CHSY3: variants seen among roughly 807,000 people sequenced by gnomAD.
CHSY3 encodes the protein chondroitin sulfate synthase 3.
Under a neutral mutation model 67.2 loss-of-function variants are expected in CHSY3, and 35 were observed. The observed-to-expected ratio is 0.52, with a 90% CI of 0.40 to 0.69. The LOEUF is 0.69. CHSY3 is among the 30% of genes least tolerant of loss of function. The pLI is 0.00. For missense variants in CHSY3, 1,069 were observed against 1,138.5 expected (o/e 0.94, Z 0.88); for synonymous variants, 474 against 434.7 (o/e 1.09, Z -1.12).
intron 2 of CHSY3, among the ~76,000 whole-genome samples, chr5:130,024,335 T>C (rs1245900963): frequency 2.0e-5 from 3 of 152,114 alleles, no homozygotes; most frequent in Non-Finnish European, 4.4e-5. Context: ...AAAATGACAG[T>C]TGTTCATCCA....
intron 2 of CHSY3, among the ~76,000 whole-genome samples, chr5:130,094,440 G>C (rs1347338559): frequency 6.6e-6 from 1 of 152,072 alleles, no homozygotes; most frequent in Admixed American, 6.5e-5. Flanking sequence ...TTTTACTATA[G>C]CATAGTTAAA....
At chr5:129,922,250 G>A (rs1760948785) in intron 2 of CHSY3, among the ~76,000 whole-genome samples, 1 of 152,178 alleles carries the variant, frequency 6.6e-6, no homozygotes, top group Non-Finnish European at 1.5e-5. Context: ...GGATACTTAG[G>A]TTGATCCCAT....
intron 2 of CHSY3, among the ~76,000 whole-genome samples, chr5:130,022,634 G>A (rs1261591445): frequency 6.6e-6 from 1 of 151,868 alleles, no homozygotes; most frequent in Non-Finnish European, 1.5e-5. Flanking sequence ...ACCAGGGAGT[G>A]AAATGATAAA....
intron 2 of CHSY3, among the ~76,000 whole-genome samples, chr5:130,011,322 T>C (rs1764053821): frequency 6.6e-6 from 1 of 152,122 alleles, no homozygotes; most frequent in African/African-American, 2.4e-5. Context: ...GTTGAACATA[T>C]GCAAATCAAT....
rs535610104 is a variant in CHSY3, at chr5:130,052,003, T to C, written c.1087-132226T>C. ...CTGGAATGTACTAAAATGATTAGGG[T>C]ACAGCAAACCAAGAACTAAACTTTG... On this transcript the variant is annotated intron_variant, in intron 2 of 2. Coordinates refer to ENST00000305031, the MANE Select transcript of CHSY3 (RefSeq NM_175856.5). 3.3e-5 allele frequency: 5 copies of C among 151,858 alleles called. No individual in the cohort carries two copies. In the East Asian group the frequency reaches 7.8e-4, roughly 24 times the overall value. 9.4% of individuals were successfully genotyped at this position (151,858 alleles called of 1,614,324 possible).
At chr5:130,165,013 T>C (rs1382497609) in intron 2 of CHSY3, among the ~76,000 whole-genome samples, 3 of 151,952 alleles carry the variant, frequency 2.0e-5, no homozygotes, top group Non-Finnish European at 4.4e-5. Context: ...TGGTGGAGTA[T>C]AGAGGGTGAA....
chr5:130,174,779 A>G (rs1324589050), intron 2 of CHSY3, among the ~76,000 whole-genome samples: 2 of 152,138 alleles, frequency 1.3e-5, no homozygotes, highest in Non-Finnish European at 2.9e-5. Context: ...TATTTATGGT[A>G]TTTCTTATTT....
chr5:130,016,024 C>CT (rs1233114550), intron 2 of CHSY3, among the ~76,000 whole-genome samples: 2 of 152,072 alleles, frequency 1.3e-5, no homozygotes, highest in Non-Finnish European at 2.9e-5. Context: ...TAAATACAAG[C>CT]TAAACATTTA....
At chr5:130,005,917 A>C (rs1239314353) in intron 2 of CHSY3, among the ~76,000 whole-genome samples, 1 of 152,166 alleles carries the variant, frequency 6.6e-6, no homozygotes. Flanking sequence ...TATCAATAAG[A>C]AATGTTTATT....
At chr5:129,997,644 C>T (rs1191900360) in intron 2 of CHSY3, among the ~76,000 whole-genome samples, 1 of 152,122 alleles carries the variant, frequency 6.6e-6, no homozygotes, top group Admixed American at 6.6e-5. Flanking sequence ...TCTTCTAATG[C>T]TATCCCTCCC....
intron 2 of CHSY3, among the ~76,000 whole-genome samples, chr5:129,921,935 C>A (rs1486838408): frequency 6.6e-6 from 1 of 152,116 alleles, no homozygotes; most frequent in Admixed American, 6.5e-5. Context: ...AATACTAGAT[C>A]TTACTCATTC....
At chr5:129,943,186 G>T (rs994216693) in intron 2 of CHSY3, among the ~76,000 whole-genome samples, 1 of 152,144 alleles carries the variant, frequency 6.6e-6, no homozygotes, top group African/African-American at 2.4e-5. Flanking sequence ...GTTAACAGAA[G>T]AGAGTCAGAC....
In CHSY3 at chr5:129,969,097, G is replaced by C. The variant is rs556421009; in HGVS notation, c.1086+60737G>C. On this transcript the variant is annotated intron_variant, in intron 2 of 2. Transcript: ENST00000305031. The stretch of plus-strand genomic sequence containing the variant: ...CTGGTATATATTTTACAGCATTACT[G>C]TATCTTTCAAAAGAAATATCTGTGG... Among the ~76,000 whole-genome samples the C allele has an allele frequency of 2.6e-5, 4 of 151,824 alleles. No individual in the cohort carries two copies. In the East Asian group the frequency reaches 7.7e-4, roughly 29 times the overall value.
chr5:129,957,415 A>T (rs1316756720), intron 2 of CHSY3, among the ~76,000 whole-genome samples: 1 of 152,022 alleles, frequency 6.6e-6, no homozygotes, highest in Non-Finnish European at 1.5e-5. Flanking sequence ...GCAAACAGGG[A>T]TAGTTTGACT....
chr5:130,133,198 G>A (rs1412551544), intron 2 of CHSY3, among the ~76,000 whole-genome samples: 1 of 152,122 alleles, frequency 6.6e-6, no homozygotes, highest in South Asian at 2.1e-4. Context: ...AGCACCATGA[G>A]AAGGGCAAGA....
In CHSY3 at chr5:129,949,018, A is replaced by G. The variant is rs138239661; in HGVS notation, c.1086+40658A>G. Among the ~76,000 whole-genome samples the G allele has an allele frequency of 9.9e-3, 1,510 of 152,228 alleles. 24 individuals are homozygous for G. The highest frequency in any genetic ancestry group is 0.034 in the African/African-American group (1,425 of 41,528). ...TCTCCCACTCTATGGGTTGTCTGTT[A>G]ACTCTGCTGATTATTTCTTTTGCTG... On this transcript the variant is annotated intron_variant, in intron 2 of 2. Coordinates refer to ENST00000305031, the MANE Select transcript of CHSY3 (RefSeq NM_175856.5).
intron 2 of CHSY3, among the ~76,000 whole-genome samples, chr5:130,061,614 G>C (rs1291033954): frequency 6.6e-6 from 1 of 152,044 alleles, no homozygotes; most frequent in Non-Finnish European, 1.5e-5. Context: ...AGAATAAACA[G>C]AAAACCTGTA....
intron 2 of CHSY3, among the ~76,000 whole-genome samples, chr5:129,984,647 T>C (rs1459690064): frequency 6.6e-6 from 1 of 152,120 alleles, no homozygotes; most frequent in African/African-American, 2.4e-5. Context: ...CCCAGAACTG[T>C]ACATGTTCCC....
At chr5:130,124,138 A>G (rs747591116) in intron 2 of CHSY3, among the ~76,000 whole-genome samples, 5 of 152,178 alleles carry the variant, frequency 3.3e-5, no homozygotes, top group Middle Eastern at 3.4e-3. Flanking sequence ...AAGAAAAGTT[A>G]AATGATAAAA....
Sources: allele counts gnomAD v4.1 joint callset (sites outside exome capture counted in the v4.1 genomes callset), GRCh38; gene constraint gnomAD v4.1.1; transcripts MANE v1.5; gene names NCBI Gene and HGNC (gene_info 2026-07-23, HGNC 2026-07-21).